OLFML3: variants seen among roughly 807,000 people sequenced by gnomAD.
The protein encoded by OLFML3 is olfactomedin-like protein 3.
Under a neutral mutation model 36.0 loss-of-function variants are expected in OLFML3, and 26 were observed. The observed-to-expected ratio is 0.72, with a 90% CI of 0.53 to 1.00. The LOEUF is 1.00. Among genes scored for constraint, OLFML3 ranks in the 50% least tolerant of loss-of-function variants. OLFML3 has a pLI of 0.00. For synonymous variants in OLFML3, 184 were observed against 201.2 expected (o/e 0.91, Z 0.72); for missense variants, 503 against 519.4 (o/e 0.97, Z 0.31).
chr1:113,979,868 A>T, intron 1 of OLFML3: 1 of 1,197,920 alleles, frequency 8.3e-7, no homozygotes, highest in South Asian at 1.8e-5. Flanking sequence ...AAGGGGGCAG[A>T]GTGGAAACGA....
In OLFML3 at chr1:113,980,529, G is replaced by T. The variant is rs954516352; in HGVS notation, c.312G>T (p.Leu104=). ...ATCTGGAGACCCAGAACCCAGCTCT[G>T]CCCTGTGTAGAGTTTGATGAGAAGG... The part of the protein sequence containing the change: ...VDYLETQNPA[L]PCVEFDEKVT... Residue 104 remains leucine (L), a synonymous_variant, in exon 2 of 3, where the codon CTG becomes CTT. Coordinates refer to ENST00000320334, the MANE Select transcript of OLFML3 (RefSeq NM_020190.5). The T allele has an allele frequency of 1.9e-6, 3 of 1,614,150 alleles. No homozygotes were observed. The highest frequency in any genetic ancestry group is 2.5e-6 in the Non-Finnish European group (3 of 1,180,026).
At position 113,979,599 on chromosome 1, in the gene OLFML3, A is replaced by T. The variant is rs1382367882; in HGVS notation, c.83A>T (p.Glu28Val). The change falls in exon 1 of 3, where the codon GAG becomes GTG. Residue 28 changes from glutamate (E) to valine (V), a missense_variant. By Grantham distance (121) the Glu-to-Val change is moderately radical (BLOSUM62 -2). Coordinates refer to ENST00000320334, the MANE Select transcript of OLFML3 (RefSeq NM_020190.5). ...PLQGQQHHLV[E>V]YMERRLAALE... The stretch of plus-strand genomic sequence containing the variant: ...CAAGGACAGCAGCACCACCTTGTGG[A>T]GTACATGGAACGCCGACTAGCTGCT... 6.2e-7 allele frequency: 1 copy of T among 1,613,936 alleles called. No individual in the cohort carries two copies.
Position 113,981,182 on chromosome 1 carries a change from C to G in OLFML3, c.634C>G (p.Gln212Glu). ...GCCCTTCCCCTGGGTAGGCACAGGG[C>G]AGCTGGTATATGGTGGCTTTCTTTA... Reference protein sequence around the residue: ...RVPFPWVGTGQLVYGGFLYFA... With the variant: ...RVPFPWVGTGELVYGGFLYFA... The change falls in exon 3 of 3, where the codon CAG becomes GAG. Residue 212 changes from glutamine (Q) to glutamate (E), a missense_variant. Physicochemically the swap from Gln to Glu is conservative, Grantham distance 29. Transcript: ENST00000320334. 5 of 1,614,244 alleles carry G rather than the reference C, an allele frequency of 3.1e-6. No homozygotes were observed. The highest frequency in any genetic ancestry group is 4.2e-6 in the Non-Finnish European group (5 of 1,180,040).
rs201696561 is a variant in OLFML3, at chr1:113,981,116, A to T, written c.568A>T (p.Thr190Ser). The T allele has an allele frequency of 8.1e-6, 13 of 1,613,978 alleles. No homozygotes were observed. The highest frequency in any genetic ancestry group is 1.7e-5 in the Admixed American group (1 of 59,984). ...TGTCTTCCCAAGGCTGCGTGACTTC[A>T]CCCTTGCCATGGCTGCCCGGAAAGC... ...AFVFPRLRDFTLAMAARKASR... is the reference protein window; with the variant it reads ...AFVFPRLRDFSLAMAARKASR... Residue 190 changes from threonine to serine, a missense_variant, in exon 3 of 3, where the codon ACC (threonine) becomes TCC (serine). Coordinates refer to ENST00000320334, the MANE Select transcript of OLFML3 (RefSeq NM_020190.5).
At position 113,981,933 on chromosome 1, in the gene OLFML3, C is replaced by A. The variant is rs76822390; in HGVS notation, c.*164C>A. ...ATTCTTTCAGCTCCTTTGTTTCATA[C>A]GGAACTCCAGATCCTGAGTAATCCT... is the stretch of plus-strand genomic sequence containing the variant. On this transcript the variant is annotated 3_prime_UTR_variant, in exon 3 of 3. Transcript: ENST00000320334. The A allele has an allele frequency of 1.5e-6, 1 of 657,336 alleles. No homozygotes were observed. The highest frequency in any genetic ancestry group is 2.6e-6 in the Non-Finnish European group (1 of 385,720). The allele number at this position is 657,336 out of a possible 1,614,324, so 40.7% of individuals were successfully genotyped here. A position where few individuals can be genotyped will look rare whatever the true frequency, so the allele number is the denominator to read the frequency against.
In OLFML3 at chr1:113,981,774, C is replaced by T. The variant is rs773254436; in HGVS notation, c.*5C>T. 1.1e-5 allele frequency: 18 copies of T among 1,609,096 alleles called. No homozygotes were observed. The highest frequency in any genetic ancestry group is 1.5e-5 in the Non-Finnish European group (18 of 1,177,514). ...AAGAAAGAGGAGGAGGTTTGAGGAG[C>T]TAGCCTTGTTTTTTGCATCTTTCTC... On this transcript the variant is annotated 3_prime_UTR_variant, in exon 3 of 3. Transcript: ENST00000320334.
chr1:113,979,973 A>G (rs1673346842), intron 1 of OLFML3: 10 of 1,442,580 alleles, frequency 6.9e-6, no homozygotes, highest in African/African-American at 1.4e-5. Context: ...TCTTTTTAAC[A>G]GGTTGAGATC....
rs1223314875 is a variant in OLFML3 at position 113,980,496 on chromosome 1, G to A, written c.279G>A (p.Glu93=). ...ISGRVDRLER[E]VDYLETQNPA... ...GGAGAGTGGATCGTCTGGAGCGGGA[G>A]GTAGACTATCTGGAGACCCAGAACC... The change falls in exon 2 of 3, where the codon GAG becomes GAA. Residue 93 remains glutamate (E), a synonymous_variant. Transcript: ENST00000320334. The A allele has an allele frequency of 1.9e-6, 3 of 1,614,068 alleles. No individual in the cohort carries two copies. The South Asian group carries it at 3.3e-5, about 18-fold the overall frequency.
chr1:113,979,689 A>T (rs1673333019), intron 1 of OLFML3, 59 bp downstream of exon 1: 1 of 1,290,324 alleles, frequency 7.7e-7, no homozygotes, highest in South Asian at 1.2e-5. Context: ...TATTGGTTCA[A>T]CCAGTTTGTT....
At chr1:113,979,699 T>C in intron 1 of OLFML3, 69 bp downstream of exon 1, 1 of 1,195,718 alleles carries the variant, frequency 8.4e-7, no homozygotes, top group Non-Finnish European at 1.2e-6. Flanking sequence ...ACCAGTTTGT[T>C]AGGGATCTGG....
chr1:113,981,606 G>T lies in OLFML3; in HGVS notation c.1058G>T (p.Gly353Val), dbSNP rs752080024. 1 of 1,613,984 alleles carries T rather than the reference G, an allele frequency of 6.2e-7. No homozygotes were observed. The highest frequency in any genetic ancestry group is 8.5e-7 in the Non-Finnish European group (1 of 1,179,990). The stretch of plus-strand genomic sequence containing the variant: ...ATCCAGTGCTCCTTTGATGCCAGCG[G>T]CACCCTGACCCCTGAACGGGCAGCA... ...ARIQCSFDAS[G>V]TLTPERAALP... is the part of the protein sequence containing the mutation. Residue 353 changes from glycine (G) to valine (V), a missense_variant, in exon 3 of 3, where the codon GGC becomes GTC. By Grantham distance (109) the Gly-to-Val change is moderately radical (BLOSUM62 -3). Transcript: ENST00000320334.
At chr1:113,980,719 C>G (rs1449731746) in intron 2 of OLFML3, 102 bp downstream of exon 2, 3 of 1,316,560 alleles carry the variant, frequency 2.3e-6, no homozygotes, top group Non-Finnish European at 3.1e-6. Context: ...CATTGTGGCT[C>G]TGTCTTCTGG....
Position 113,981,580 on chromosome 1 carries a change from C to T in OLFML3, c.1032C>T (p.Arg344=), listed in dbSNP as rs1312789166. The change falls in exon 3 of 3, where the codon CGC becomes CGT. Residue 344 remains arginine (R), a synonymous_variant. Coordinates refer to ENST00000320334, the MANE Select transcript of OLFML3 (RefSeq NM_020190.5). ...VYNTRPASRA[R]IQCSFDASGT... Reference sequence around the variant, plus strand: ...ACACCCGTCCTGCCAGTCGGGCCCGCATCCAGTGCTCCTTTGATGCCAGCG... The same window carrying T: ...ACACCCGTCCTGCCAGTCGGGCCCGTATCCAGTGCTCCTTTGATGCCAGCG... 1.2e-6 allele frequency: 2 copies of T among 1,614,134 alleles called. No individual in the cohort carries two copies. Among genetic ancestry groups the T allele is most frequent in the Admixed American group, 1.7e-5 (1 of 60,022 alleles).
In OLFML3 at chr1:113,981,920, C is replaced by T. The variant is rs766264290; in HGVS notation, c.*151C>T. Reference sequence around the variant, plus strand: ...CAATGGCAATCAAATTCTTTCAGCTCCTTTGTTTCATACGGAACTCCAGAT... The same window carrying T: ...CAATGGCAATCAAATTCTTTCAGCTTCTTTGTTTCATACGGAACTCCAGAT... On this transcript the variant is annotated 3_prime_UTR_variant, in exon 3 of 3. Transcript: ENST00000320334. 1 of 699,690 alleles carries T rather than the reference C, an allele frequency of 1.4e-6. No individual in the cohort carries two copies. The highest frequency in any genetic ancestry group is 2.4e-6 in the Non-Finnish European group (1 of 421,542). The allele number at this position is 699,690 out of a possible 1,614,324, so 43.3% of individuals were successfully genotyped here.
In OLFML3 at chr1:113,981,454, T is replaced by G. The variant is rs760201713; in HGVS notation, c.906T>G (p.Asp302Glu). ...GGCACTTGTGTCTGGCCAAGTTAGA[T>G]CCACAGACACTGGACACAGAGCAGC... ...DDRHLCLAKL[D>E]PQTLDTEQQW... The change falls in exon 3 of 3, where the codon GAT becomes GAG. Residue 302 changes from aspartate (D) to glutamate (E), a missense_variant. Coordinates refer to ENST00000320334, the MANE Select transcript of OLFML3 (RefSeq NM_020190.5). 6.2e-7 allele frequency: 1 copy of G among 1,613,518 alleles called. No homozygotes were observed. The highest frequency in any genetic ancestry group is 1.7e-5 in the Admixed American group (1 of 59,976).
rs762920429 is a variant in OLFML3, at chr1:113,981,338, C to T, written c.790C>T (p.Pro264Ser). 1.3e-6 allele frequency: 2 copies of T among 1,599,916 alleles called. No homozygotes were observed. Among genetic ancestry groups the T allele is most frequent in the African/African-American group, 1.3e-5 (1 of 74,818 alleles). The change falls in exon 3 of 3, where the codon CCC becomes TCC. Residue 264 changes from proline (P) to serine (S), a missense_variant. Pro to Ser is a moderately conservative substitution (Grantham distance 74). Transcript: ENST00000320334. ...AGTATTCCCAGCAGAGGGGCTGATC[C>T]CCCCCTACGGCTTGACAGCAGACAC... Reference protein sequence around the residue: ...SSVFPAEGLIPPYGLTADTYI... With the variant: ...SSVFPAEGLISPYGLTADTYI...
At position 113,980,375 on chromosome 1, in the gene OLFML3, C is replaced by T. The variant is rs1183222101; in HGVS notation, c.158C>T (p.Ala53Val). 6.3e-7 allele frequency: 1 copy of T among 1,592,228 alleles called. No individual in the cohort carries two copies. The highest frequency in any genetic ancestry group is 2.2e-5 in the East Asian group (1 of 44,826). Residue 53 changes from alanine (A) to valine (V), a missense_variant, in exon 2 of 3, where the codon GCT becomes GTT. Ala to Val is a moderately conservative substitution (Grantham distance 64). Coordinates refer to ENST00000320334, the MANE Select transcript of OLFML3 (RefSeq NM_020190.5). ...CAGGACCAGAGTAGTCGGCATGCTG[C>T]TGAGCTGCGGGACTTCAAGAACAAG... Reference protein sequence around the residue: ...QCQDQSSRHAAELRDFKNKML... With the variant: ...QCQDQSSRHAVELRDFKNKML...
Position 113,980,504 on chromosome 1 carries a change from A to C in OLFML3, c.287A>C (p.Tyr96Ser). The C allele has an allele frequency of 1.9e-6, 3 of 1,614,142 alleles. No homozygotes were observed. Among genetic ancestry groups the C allele is most frequent in the Non-Finnish European group, 2.5e-6 (3 of 1,180,018 alleles). The change falls in exon 2 of 3, where the codon TAT (tyrosine) becomes TCT (serine). Residue 96 changes from tyrosine to serine, a missense_variant. Coordinates refer to ENST00000320334, the MANE Select transcript of OLFML3 (RefSeq NM_020190.5). Reference protein sequence around the residue: ...RVDRLEREVDYLETQNPALPC... With the variant: ...RVDRLEREVDSLETQNPALPC... The stretch of plus-strand genomic sequence containing the variant: ...GATCGTCTGGAGCGGGAGGTAGACT[A>C]TCTGGAGACCCAGAACCCAGCTCTG...
chr1:113,982,082 G>C lies in OLFML3; in HGVS notation c.*313G>C, dbSNP rs1432752257. 2.6e-6 allele frequency: 1 copy of C among 389,558 alleles called. No individual in the cohort carries two copies. The highest frequency in any genetic ancestry group is 6.3e-5 in the East Asian group (1 of 15,958). The allele number at this position is 389,558 out of a possible 1,614,324, so 24.1% of individuals were successfully genotyped here. ...AACCTTGTATGCGGGCAGGCCCAGG[G>C]AGCAGGCAGCAGTGTTCTTCCCCTC... On this transcript the variant is annotated 3_prime_UTR_variant, in exon 3 of 3. Coordinates refer to ENST00000320334, the MANE Select transcript of OLFML3 (RefSeq NM_020190.5).
Sources: allele counts gnomAD v4.1 joint callset, GRCh38; gene constraint gnomAD v4.1.1; transcripts MANE v1.5; gene names NCBI Gene and HGNC (gene_info 2026-07-23, HGNC 2026-07-21).